The following CENPF variants were observed in gnomAD, a reference collection of about 807,000 sequenced individuals.
CENPF encodes centromere protein F.
In CENPF, 214 loss-of-function variants were observed where a neutral mutation model predicts 307.3. The ratio of observed to expected loss-of-function variants is 0.70; its 90% CI spans 0.62 to 0.78. CENPF has a LOEUF of 0.78. Among genes scored for constraint, CENPF ranks in the 30% least tolerant of loss-of-function variants. The pLI is 0.00. For missense variants in CENPF, 3,401 were observed against 3,483.9 expected (o/e 0.98, Z 0.60); for synonymous variants, 1,259 against 1,270.6 (o/e 0.99, Z 0.19).
In CENPF at chr1:214,613,744, G is replaced by A; in HGVS notation, c.-11G>A. The A allele has an allele frequency of 6.3e-7, 1 of 1,587,792 alleles. No individual in the cohort carries two copies. The highest frequency in any genetic ancestry group is 1.4e-5 in the African/African-American group (1 of 73,190). ...TTACAAATGTTGGAGTAATAAAGAA[G>A]GCAGAACAAAATGAGCTGGGCTTTG... On this transcript the variant is annotated 5_prime_UTR_variant, in exon 2 of 20. Coordinates refer to ENST00000366955, the MANE Select transcript of CENPF (RefSeq NM_016343.4).
Position 214,639,945 on chromosome 1 carries a change from T to C in CENPF, c.1607T>C (p.Met536Thr), listed in dbSNP as rs1024427758. The change falls in exon 12 of 20, where the codon ATG becomes ACG. Residue 536 changes from methionine (M) to threonine (T), a missense_variant. Transcript: ENST00000366955. ...GCGAAGAATACCTCTCAGGAAACCA[T>C]GTTAAGAGATCTTCAAGAAAAAATA... ...MKAKNTSQET[M>T]LRDLQEKINQ... The C allele has an allele frequency of 3.9e-6, 6 of 1,551,238 alleles. No homozygotes were observed. Among genetic ancestry groups the C allele is most frequent in the Admixed American group, 2.3e-5 (1 of 42,988 alleles).
Position 214,643,248 on chromosome 1 carries a change from A to G in CENPF, c.4910A>G (p.Glu1637Gly). 6.3e-7 allele frequency: 1 copy of G among 1,584,148 alleles called. No individual in the cohort carries two copies. Among genetic ancestry groups the G allele is most frequent in the Non-Finnish European group, 8.6e-7 (1 of 1,169,122 alleles). ...EKKQTEQLSL[E>G]LEVARLQLQG... ...AAACAGACGGAACAACTGTCACTTG[A>G]GCTGGAAGTAGCACGACTCCAGCTA... Residue 1637 changes from glutamate to glycine, a missense_variant, in exon 12 of 20, where the codon GAG becomes GGG. Glu to Gly is a moderately conservative substitution (Grantham distance 98). Transcript: ENST00000366955.
intron 1 of CENPF, among the ~76,000 whole-genome samples, chr1:214,608,013 C>T (rs536959928): frequency 2.6e-5 from 4 of 152,338 alleles, no homozygotes; most frequent in Non-Finnish European, 4.4e-5. Context: ...TCCCTCCCGC[C>T]GGGTGGCATC....
rs1657421066 is a variant in CENPF, at chr1:214,618,600, A to G, written c.387A>G (p.Gln129=). 1 of 1,614,014 alleles carries G rather than the reference A, an allele frequency of 6.2e-7. No individual in the cohort carries two copies. The highest frequency in any genetic ancestry group is 1.1e-5 in the South Asian group (1 of 91,034). Residue 129 remains glutamine, a synonymous_variant, in exon 4 of 20, where the codon CAA becomes CAG. Coordinates refer to ENST00000366955, the MANE Select transcript of CENPF (RefSeq NM_016343.4). The part of the protein sequence containing the change: ...KRCKSELERS[Q]QAAQSADVSL... ...GTAAATCTGAGCTTGAAAGAAGCCA[A>G]CAAGCTGCGCAGTCTGCAGATGTCT...
intron 4 of CENPF, 143 bp downstream of exon 4, chr1:214,618,837 T>G (rs1057308761): frequency 7.4e-6 from 6 of 806,504 alleles, no homozygotes; most frequent in African/African-American, 1.8e-5. Context: ...ACATATCCAT[T>G]TGCATATCTG....
In CENPF at chr1:214,659,130, A is replaced by C; in HGVS notation, c.9141+102A>C. 3.2e-6 allele frequency: 4 copies of C among 1,252,184 alleles called. No homozygotes were observed. The highest frequency in any genetic ancestry group is 4.5e-6 in the Non-Finnish European group (4 of 897,410). The allele number at this position is 1,252,184 out of a possible 1,614,324, so 77.6% of individuals were successfully genotyped here. A position where few individuals can be genotyped will look rare whatever the true frequency, so the allele number is the denominator to read the frequency against. ...GCACCCCCGATTCAGGAGCGCTTTC[A>C]AAAAGTCTGACCTTCTTGGTGTGGT... On this transcript the variant is annotated intron_variant, in intron 19 of 19. Coordinates refer to ENST00000366955, the MANE Select transcript of CENPF (RefSeq NM_016343.4). The surrounding 1 kb of genome is among the most constrained non-coding windows in gnomAD (Gnocchi z 4.4).
intron 3 of CENPF, among the ~76,000 whole-genome samples, chr1:214,617,694 T>C (rs1657397648): frequency 6.6e-6 from 1 of 152,240 alleles, no homozygotes; most frequent in Non-Finnish European, 1.5e-5. Context: ...TCATATAATA[T>C]ATGATCTGTA....
rs768578259 is a variant in CENPF, at chr1:214,642,974, G to C, written c.4636G>C (p.Ala1546Pro). 1 of 1,612,420 alleles carries C rather than the reference G, an allele frequency of 6.2e-7. No homozygotes were observed. The highest frequency in any genetic ancestry group is 2.2e-5 in the East Asian group (1 of 44,864). Residue 1546 changes from alanine to proline, a missense_variant, in exon 12 of 20, where the codon GCG (alanine) becomes CCG (proline). Physicochemically the swap from Ala to Pro is conservative, Grantham distance 27 (BLOSUM62 -1). Coordinates refer to ENST00000366955, the MANE Select transcript of CENPF (RefSeq NM_016343.4). The part of the protein sequence containing the change: ...LTRKETPSAP[A>P]KGVEELESLC... ...CAGGAAAGAAACCCCTTCGGCCCCA[G>C]CGAAGGGTGTTGAAGAGCTTGAGTC...
chr1:214,636,919 A>G (rs528582124), intron 10 of CENPF, among the ~76,000 whole-genome samples: 1 of 152,328 alleles, frequency 6.6e-6, no homozygotes, highest in Admixed American at 6.5e-5. Context: ...GGTGGCATAC[A>G]GTATAGGTTG....
In CENPF at chr1:214,663,741, A is replaced by G; in HGVS notation, c.9292A>G (p.Ser3098Gly). ...LRVKRGRLVP[S>G]PKAGLESNGS... is the part of the protein sequence containing the mutation. Reference sequence around the variant, plus strand: ...GGTCAAGCGAGGCCGACTTGTCCCCAGCCCCAAAGCTGGACTGGAGTCCAA... The same window carrying G: ...GGTCAAGCGAGGCCGACTTGTCCCCGGCCCCAAAGCTGGACTGGAGTCCAA... The change falls in exon 20 of 20, where the codon AGC (serine) becomes GGC (glycine). Residue 3098 changes from serine (S) to glycine (G), a missense_variant. Coordinates refer to ENST00000366955, the MANE Select transcript of CENPF (RefSeq NM_016343.4). The G allele has an allele frequency of 1.2e-6, 2 of 1,614,124 alleles. No homozygotes were observed. Among genetic ancestry groups the G allele is most frequent in the African/African-American group, 1.3e-5 (1 of 75,050 alleles).
In CENPF at chr1:214,640,612, C is replaced by A. The variant is rs372008067; in HGVS notation, c.2274C>A (p.Ala758=). The change falls in exon 12 of 20, where the codon GCC becomes GCA. Residue 758 remains alanine (A), a synonymous_variant. Coordinates refer to ENST00000366955, the MANE Select transcript of CENPF (RefSeq NM_016343.4). The part of the protein sequence containing the change: ...DKDRCYQDLH[A]EYESLRDLLK... ...ACCGGTGTTACCAAGACTTGCATGC[C>A]GAATATGAGAGCCTCAGGGATCTGC... 6.2e-7 allele frequency: 1 copy of A among 1,613,944 alleles called. No homozygotes were observed. The highest frequency in any genetic ancestry group is 8.5e-7 in the Non-Finnish European group (1 of 1,179,944).
chr1:214,623,361 A>G (rs1400270390), intron 7 of CENPF, among the ~76,000 whole-genome samples: 1 of 152,156 alleles, frequency 6.6e-6, no homozygotes, highest in East Asian at 1.9e-4. Context: ...AGTGTGTGGG[A>G]GGATGTGCAT....
At chr1:214,648,379 G>T in intron 13 of CENPF, 1 of 507,874 alleles carries the variant, frequency 2.0e-6, no homozygotes, top group Non-Finnish European at 3.7e-6. Context: ...TGATGTTTAA[G>T]TTTAATTCAA....
Position 214,641,766 on chromosome 1 carries a change from A to C in CENPF, c.3428A>C (p.Gln1143Pro). Reference sequence around the variant, plus strand: ...TTAAAGGAAGAACAAAACAAAATGCAAAAGGAAGTTAATGACTTATTACAA... The same window carrying C: ...TTAAAGGAAGAACAAAACAAAATGCCAAAGGAAGTTAATGACTTATTACAA... Reference protein sequence around the residue: ...MTLKEEQNKMQKEVNDLLQEN... With the variant: ...MTLKEEQNKMPKEVNDLLQEN... Residue 1143 changes from glutamine to proline, a missense_variant, in exon 12 of 20, where the codon CAA becomes CCA. Physicochemically the swap from Gln to Pro is moderately conservative, Grantham distance 76. Transcript: ENST00000366955. The C allele has an allele frequency of 1.3e-6, 2 of 1,588,590 alleles. No homozygotes were observed. The highest frequency in any genetic ancestry group is 1.7e-6 in the Non-Finnish European group (2 of 1,172,364).
intron 10 of CENPF, among the ~76,000 whole-genome samples, chr1:214,635,504 T>C (rs1657934051): frequency 6.6e-6 from 1 of 152,228 alleles, no homozygotes; most frequent in Non-Finnish European, 1.5e-5. Flanking sequence ...AAATGTATCT[T>C]TGTATGCTTA....
chr1:214,605,575 C>T, intron 1 of CENPF: 1 of 1,005,988 alleles, frequency 9.9e-7, no homozygotes, highest in South Asian at 1.5e-5. Context: ...GCGGGGTCCC[C>T]TGGGCCGCCC....
At chr1:214,619,617 C>T (rs1657452177) in intron 5 of CENPF, among the ~76,000 whole-genome samples, 1 of 152,120 alleles carries the variant, frequency 6.6e-6, no homozygotes, top group Non-Finnish European at 1.5e-5. Context: ...TTTACCTCTA[C>T]CATTTTTGTT....
intron 7 of CENPF, among the ~76,000 whole-genome samples, chr1:214,623,959 A>G (rs1571702615): frequency 6.6e-6 from 1 of 152,164 alleles, no homozygotes; most frequent in African/African-American, 2.4e-5. Context: ...ACATACTTCT[A>G]TTATTTGCTT....
rs141352776 is a variant in CENPF, at chr1:214,642,509, G to A, written c.4171G>A (p.Glu1391Lys). Residue 1391 changes from glutamate to lysine, a missense_variant, in exon 12 of 20, where the codon GAG becomes AAG. Physicochemically the swap from Glu to Lys is moderately conservative, Grantham distance 56. Coordinates refer to ENST00000366955, the MANE Select transcript of CENPF (RefSeq NM_016343.4). ...TCCATTGGACGAGAGTAATTCCTAC[G>A]AGCACTTGACATTGTCAGACAAAGA... ...LAPLDESNSYEHLTLSDKEVQ... is the reference protein window; with the variant it reads ...LAPLDESNSYKHLTLSDKEVQ... 33 of 1,611,414 alleles carry A rather than the reference G, an allele frequency of 2.0e-5. No homozygotes were observed. The African/African-American group carries it at 3.2e-4, about 16-fold the overall frequency.
Sources: allele counts gnomAD v4.1 joint callset (sites outside exome capture counted in the v4.1 genomes callset), GRCh38; gene constraint gnomAD v4.1.1; non-coding constraint Gnocchi (gnomAD v3.1); transcripts MANE v1.5; gene names NCBI Gene and HGNC (gene_info 2026-07-23, HGNC 2026-07-21).